Variants in DGKG observed in about 807,000 individuals in gnomAD.
DGKG encodes the protein diacylglycerol kinase gamma.
DGKG carries 78 observed loss-of-function variants against 105.3 expected under a neutral mutation model. That is an observed-to-expected ratio of 0.74 (90% CI 0.62 to 0.89). The LOEUF is 0.89. Ranked by LOEUF, DGKG falls within the 40% of genes least tolerant of loss-of-function variation. The probability of loss-of-function intolerance (pLI) is 0.00; values close to 1 mark genes in which losing one functional copy is unlikely to be tolerated. For synonymous variants in DGKG, 346 were observed against 367.1 expected (o/e 0.94, Z 0.66); for missense variants, 958 against 1,020.1 (o/e 0.94, Z 0.83).
rs1578588215 is a variant in DGKG, at chr3:186,148,369, A to G, written c.*1721T>C. The stretch of plus-strand genomic sequence containing the variant: ...GACCATGATGAGGTGACATGTGGAG[A>G]GTTCAGTCTGATGATCTGTTTAGTA... On this transcript the variant is annotated 3_prime_UTR_variant, in exon 25 of 25. Coordinates refer to ENST00000265022, the MANE Select transcript of DGKG (RefSeq NM_001346.3). 1 of 985,430 alleles carries G rather than the reference A, an allele frequency of 1.0e-6. No homozygotes were observed. Among genetic ancestry groups the G allele is most frequent in the African/African-American group, 1.7e-5 (1 of 57,342 alleles). 61.0% of individuals were successfully genotyped at this position (985,430 alleles called of 1,614,324 possible). A position where few individuals can be genotyped will look rare whatever the true frequency, so the allele number is the denominator to read the frequency against.
In DGKG at chr3:186,297,457, C is replaced by A; in HGVS notation, c.337G>T (p.Ala113Ser). Residue 113 changes from alanine (A) to serine (S), a missense_variant, in exon 5 of 25, where the codon GCC becomes TCC. Physicochemically the swap from Ala to Ser is moderately conservative, Grantham distance 99 (BLOSUM62 1). Transcript: ENST00000265022. The part of the protein sequence containing the change: ...ADTNIQNADN[A>S]TKADEACAPD... The stretch of plus-strand genomic sequence containing the variant: ...GCACAGGCCTCGTCTGCTTTGGTGG[C>A]ATTATCTGCATTCTGTATATTAGTA... The A allele has an allele frequency of 6.2e-7, 1 of 1,612,492 alleles. No individual in the cohort carries two copies. The highest frequency in any genetic ancestry group is 8.5e-7 in the Non-Finnish European group (1 of 1,178,492).
In DGKG at chr3:186,292,512, G is replaced by A. The variant is rs530365401; in HGVS notation, c.374-3632C>T. 3.2e-4 allele frequency among the ~76,000 whole-genome samples: 48 copies of A among 152,322 alleles called. 1 individual carries two copies. In the South Asian group the frequency reaches 9.1e-3, roughly 29 times the overall value. On this transcript the variant is annotated intron_variant, in intron 5 of 24. Transcript: ENST00000265022. ...AGTGAAGAACAAAACTGGGTCCCAA[G>A]GCCGGGCACGGTGGCTCATACCTGT... is the stretch of plus-strand genomic sequence containing the variant.
chr3:186,183,029 G>A (rs560822426), intron 22 of DGKG, among the ~76,000 whole-genome samples: 11 of 152,300 alleles, frequency 7.2e-5, no homozygotes, highest in South Asian at 2.1e-4. Flanking sequence ...GGCTGGGCTC[G>A]CTTCCAGCAG....
At chr3:186,154,378 C>T (rs1249953142) in intron 24 of DGKG, among the ~76,000 whole-genome samples, 1 of 152,078 alleles carries the variant, frequency 6.6e-6, no homozygotes, top group Non-Finnish European at 1.5e-5. Context: ...CGCAGTGGCT[C>T]ACACCTGTAA....
chr3:186,285,978 G>A (rs1317328216), intron 6 of DGKG, among the ~76,000 whole-genome samples: 1 of 152,072 alleles, frequency 6.6e-6, no homozygotes, highest in African/African-American at 2.4e-5. Context: ...TGCGCTCCCC[G>A]GCCTTTCCTG....
At chr3:186,155,996 T>G (rs1170293003) in intron 24 of DGKG, among the ~76,000 whole-genome samples, 1 of 152,204 alleles carries the variant, frequency 6.6e-6, no homozygotes, top group African/African-American at 2.4e-5. Flanking sequence ...GCATTGTTAG[T>G]ATTTTTTTTT....
Position 186,268,836 on chromosome 3 carries a change from C to T in DGKG, c.1081G>A (p.Val361Ile). Residue 361 changes from valine to isoleucine, a missense_variant, in exon 12 of 25, where the codon GTC becomes ATC. This residue lies in a region of DGKG where 643 missense variants were observed against 619.5 expected (regional missense o/e 1.04). Coordinates refer to ENST00000265022, the MANE Select transcript of DGKG (RefSeq NM_001346.3). ...CHKSIKCYQS[V>I]TARHCVWCRM... ...CACCACACGCAGTGCCGCGCGGTGA[C>T]ACTCTGGTAGCACTTGATACTTTTG... The T allele has an allele frequency of 6.2e-7, 1 of 1,613,994 alleles. No homozygotes were observed. Among genetic ancestry groups the T allele is most frequent in the Non-Finnish European group, 8.5e-7 (1 of 1,179,978 alleles).
intron 1 of DGKG, among the ~76,000 whole-genome samples, chr3:186,330,041 G>T (rs1182095131): frequency 6.6e-6 from 1 of 152,168 alleles, no homozygotes; most frequent in Non-Finnish European, 1.5e-5. Context: ...TTTTCATGGA[G>T]TCAAAGTTCC....
intron 23 of DGKG, among the ~76,000 whole-genome samples, chr3:186,164,407 G>A (rs894436084): frequency 6.6e-6 from 1 of 152,186 alleles, no homozygotes; most frequent in Admixed American, 6.5e-5. Context: ...TTGTCATCCT[G>A]TCTGTCAATT....
In DGKG at chr3:186,251,923, T is replaced by G. The variant is rs1261164366; in HGVS notation, c.1601-4A>C. 1.3e-6 allele frequency: 2 copies of G among 1,564,090 alleles called. No homozygotes were observed. Among genetic ancestry groups the G allele is most frequent in the African/African-American group, 1.4e-5 (1 of 73,510 alleles). On this transcript the variant is annotated splice_region_variant and splice_polypyrimidine_tract_variant and intron_variant, in intron 18 of 24. Coordinates refer to ENST00000265022, the MANE Select transcript of DGKG (RefSeq NM_001346.3). The stretch of plus-strand genomic sequence containing the variant: ...GTCAAGCTGCCCCCTTCATAACCTG[T>G]GGAGGACAGCACTGCATTTGCCACC...
chr3:186,237,915 T>C (rs1720492346), intron 20 of DGKG, among the ~76,000 whole-genome samples: 1 of 152,208 alleles, frequency 6.6e-6, no homozygotes, highest in Non-Finnish European at 1.5e-5. Context: ...AAGACCCTAG[T>C]TCACCACTTG....
chr3:186,332,656 T>C (rs1725656049), intron 1 of DGKG, among the ~76,000 whole-genome samples: 1 of 152,178 alleles, frequency 6.6e-6, no homozygotes, highest in Non-Finnish European at 1.5e-5. Flanking sequence ...CATCTCTAAA[T>C]GGGAATGGTG....
intron 2 of DGKG, among the ~76,000 whole-genome samples, chr3:186,314,301 GT>G (rs1386620292): frequency 6.6e-6 from 1 of 151,988 alleles, no homozygotes; most frequent in Non-Finnish European, 1.5e-5. Context: ...AAGCAAATGA[GT>G]TTGTACTAGA....
At position 186,197,648 on chromosome 3, in the gene DGKG, A is replaced by G. The variant is rs1718248006; in HGVS notation, c.1918-9269T>C. 2.0e-5 allele frequency among the ~76,000 whole-genome samples: 3 copies of G among 152,270 alleles called. No homozygotes were observed. The Middle Eastern group carries it at 0.01, about 521-fold the overall frequency. ...TGGAATGTAAGTCAGACTACGGTGA[A>G]GGCTGGATGCCGTAGGGTCTCATTT... On this transcript the variant is annotated intron_variant, in intron 21 of 24. Coordinates refer to ENST00000265022, the MANE Select transcript of DGKG (RefSeq NM_001346.3).
intron 5 of DGKG, among the ~76,000 whole-genome samples, chr3:186,289,440 G>T (rs1723219066): frequency 6.6e-6 from 1 of 152,174 alleles, no homozygotes; most frequent in African/African-American, 2.4e-5. Context: ...GCAGAAAGTG[G>T]ATTATTGTAC....
chr3:186,211,652 T>G (rs1578671414), intron 21 of DGKG, 143 bp downstream of exon 21: 3 of 618,954 alleles, frequency 4.8e-6, no homozygotes, highest in Non-Finnish European at 5.9e-6. Flanking sequence ...CGTATGGAGG[T>G]GTTTTGGAAC....
At position 186,320,310 on chromosome 3, in the gene DGKG, T is replaced by C. The variant is rs555668516; in HGVS notation, c.67+83A>G. 1.0e-5 allele frequency: 16 copies of C among 1,537,148 alleles called. No individual in the cohort carries two copies. The South Asian group carries it at 1.5e-4, about 14-fold the overall frequency. On this transcript the variant is annotated intron_variant, in intron 2 of 24. Coordinates refer to ENST00000265022, the MANE Select transcript of DGKG (RefSeq NM_001346.3). ...GACATCATTCTTTGTGGCTTTGCAA[T>C]GATCATACTGCTATGCTTTCCAGAA...
chr3:186,351,954 T>G (rs747588486), intron 1 of DGKG, among the ~76,000 whole-genome samples: 2 of 152,344 alleles, frequency 1.3e-5, no homozygotes, highest in Non-Finnish European at 2.9e-5. Flanking sequence ...TTAACTCTTC[T>G]GAACATTGGC....
chr3:186,324,489 G>A (rs1725238747), intron 1 of DGKG, among the ~76,000 whole-genome samples: 1 of 150,070 alleles, frequency 6.7e-6, no homozygotes, highest in African/African-American at 2.5e-5. Flanking sequence ...AATACAACAT[G>A]TAGCAATGTG....
Sources: allele counts gnomAD v4.1 joint callset (sites outside exome capture counted in the v4.1 genomes callset), GRCh38; gene constraint gnomAD v4.1.1; regional missense constraint gnomAD v4.1.1; transcripts MANE v1.5; gene names NCBI Gene and HGNC (gene_info 2026-07-23, HGNC 2026-07-21).